Variants in ZNF718 observed in about 807,000 individuals in gnomAD.
ZNF718 encodes the protein zinc finger protein 718.
ZNF718 carries 3 observed loss-of-function variants against 2.6 expected under a neutral mutation model. The ratio of observed to expected loss-of-function variants is 1.16; its 90% CI spans 0.53 to 3.01. The LOEUF (loss-of-function observed/expected upper bound fraction) is 3.01, where lower values mean the gene tolerates loss of function less well. ZNF718 is among the 30% of genes most tolerant of loss of function. The probability of loss-of-function intolerance (pLI) is 0.03; values close to 1 mark genes in which losing one functional copy is unlikely to be tolerated. For missense variants in ZNF718, 468 were observed against 230.0 expected, an observed-to-expected ratio of 2.03 and a Z score of -6.69; for synonymous variants, 135 against 77.9, an observed-to-expected ratio of 1.73 and a Z score of -3.86.
At chr4:183,139 C>CATTT (rs1311227018) in intron 3 of ZNF718, among the ~76,000 whole-genome samples, 2 of 152,084 alleles carry the variant, frequency 1.3e-5, no homozygotes, top group Non-Finnish European at 2.9e-5. Flanking sequence ...TTTGGTTTTA[C>CATTT]ATTTAAGTCT....
Position 189,056 on chromosome 4 carries a change from A to AT in ZNF718, c.227-12023dup, listed in dbSNP as rs200846758. ...TTTGAAATTTACATTGAATCTGTAGATTATTTTTTTTTTTTTTTTTTGAGA... is the reference window on the plus strand; with the variant it reads ...TTTGAAATTTACATTGAATCTGTAGATTTATTTTTTTTTTTTTTTTTTGAGA... On this transcript the variant is annotated intron_variant and NMD_transcript_variant, in intron 3 of 4. Coordinates refer to the ZNF718 transcript ENST00000642529. 9.5e-3 allele frequency among the ~76,000 whole-genome samples: 1,319 copies of AT among 139,008 alleles called. 37 individuals are homozygous for AT. The highest frequency in any genetic ancestry group is 0.014 in the South Asian group (60 of 4,308). The allele number at this position is 139,008 out of a possible 152,430, so 91.2% of individuals were successfully genotyped here.
intron 2 of ZNF718, 68 bp downstream of exon 2, chr4:130,982 G>C (rs1389846443): frequency 3.9e-6 from 1 of 258,548 alleles, no homozygotes; most frequent in Non-Finnish European, 7.1e-6. Context: ...TTTGTAGAAT[G>C]TCTCTTGAGA....
In ZNF718 at chr4:161,045, G is replaced by A. The variant is rs1716803821; in HGVS notation, c.360G>A (p.Glu120=). The change falls in exon 4 of 4, where the codon GAG becomes GAA. Residue 120 remains glutamate, a synonymous_variant. Transcript: ENST00000510175. ...GAAAAACTTGTAAAAGTATAAATGA[G>A]TGTAAGGTGCAGAAAGGTGGTTATA... ...NLRKTCKSIN[E]CKVQKGGYNR... 3.8e-6 allele frequency: 3 copies of A among 780,378 alleles called. No individual in the cohort carries two copies. Among genetic ancestry groups the A allele is most frequent in the Middle Eastern group, 2.2e-4 (1 of 4,462 alleles). 48.3% of individuals were successfully genotyped at this position (780,378 alleles called of 1,614,324 possible).
intron 3 of ZNF718, among the ~76,000 whole-genome samples, chr4:143,594 T>A (rs549433660): frequency 6.6e-6 from 1 of 152,202 alleles, no homozygotes; most frequent in Non-Finnish European, 1.5e-5. Context: ...GCCAAGACTT[T>A]AAGGAAACAC....
At chr4:190,314 C>T (rs1476290535) in intron 3 of ZNF718, among the ~76,000 whole-genome samples, 2 of 151,612 alleles carry the variant, frequency 1.3e-5, no homozygotes, top group African/African-American at 4.9e-5. Context: ...CCTGTAGTCC[C>T]AGCTACTCAG....
rs1488661244 is a variant in ZNF718, at chr4:128,342, A to G, written c.4-2446A>G. 2.9e-5 allele frequency among the ~76,000 whole-genome samples: 3 copies of G among 103,860 alleles called. 1 individual carries two copies. Among genetic ancestry groups the G allele is most frequent in the Non-Finnish European group, 6.4e-5 (3 of 46,658 alleles). The allele number at this position is 103,860 out of a possible 152,430, so 68.1% of individuals were successfully genotyped here. ...GCTACAGCTGTGTGAGAGGCTTCTG[A>G]TGGGAACAGAATCCTGTGGCAGAAT... On this transcript the variant is annotated intron_variant, in intron 1 of 3. Transcript: ENST00000510175.
intron 3 of ZNF718, among the ~76,000 whole-genome samples, chr4:176,504 A>AG (rs1553819109): frequency 6.6e-6 from 1 of 152,170 alleles, no homozygotes; most frequent in Admixed American, 6.5e-5. Context: ...GCATAATGCA[A>AG]CACATCCAGC....
intron 3 of ZNF718, among the ~76,000 whole-genome samples, chr4:175,931 A>G (rs1717337107): frequency 7.4e-6 from 1 of 135,308 alleles, no homozygotes; most frequent in Non-Finnish European, 1.5e-5. Context: ...ATCTCGGCTC[A>G]CTGCAAGCTC....
Position 128,483 on chromosome 4 carries a change from T to G in ZNF718, c.4-2305T>G, listed in dbSNP as rs1198178598. On this transcript the variant is annotated intron_variant, in intron 1 of 3. Coordinates refer to ENST00000510175, the MANE Select transcript of ZNF718 (RefSeq NM_001039127.6). ...CCTCCTCTATACTGTGTTATGGGAG[T>G]AGAGTACTTTTGTCCTTCTTCTTAC... is the stretch of plus-strand genomic sequence containing the variant. Among the ~76,000 whole-genome samples, 48 of 101,652 alleles carry G rather than the reference T, an allele frequency of 4.7e-4. 12 individuals carry two copies. Among genetic ancestry groups the G allele is most frequent in the Non-Finnish European group, 5.2e-4 (24 of 45,952 alleles). 66.7% of individuals were successfully genotyped at this position (101,652 alleles called of 152,430 possible).
intron 3 of ZNF718, among the ~76,000 whole-genome samples, chr4:153,909 CAA>C (rs1286651008): frequency 6.6e-6 from 1 of 152,116 alleles, no homozygotes; most frequent in African/African-American, 2.4e-5. Flanking sequence ...TTGTGTATGA[CAA>C]TATTCAACTG....
chr4:127,059 C>T (rs1242332359), intron 1 of ZNF718, among the ~76,000 whole-genome samples: 28 of 152,284 alleles, frequency 1.8e-4, no homozygotes, highest in African/African-American at 6.7e-4. Flanking sequence ...CTTCTGACCT[C>T]ATGATCCACC....
In ZNF718 at chr4:129,815, T is replaced by C. The variant is rs1445823841; in HGVS notation, c.4-973T>C. Among the ~76,000 whole-genome samples, 2 of 102,414 alleles carry C rather than the reference T, an allele frequency of 2.0e-5. 1 individual carries two copies. The highest frequency in any genetic ancestry group is 6.8e-5 in the African/African-American group (2 of 29,518). 67.2% of individuals were successfully genotyped at this position (102,414 alleles called of 152,430 possible). ...AATGATAAGAAAACAGAAGAACAAA[T>C]AGAAATGCTGGGGCCCTGCATTTAA... On this transcript the variant is annotated intron_variant, in intron 1 of 3. Coordinates refer to ENST00000510175, the MANE Select transcript of ZNF718 (RefSeq NM_001039127.6).
chr4:149,332 C>T (rs73213566), intron 3 of ZNF718, among the ~76,000 whole-genome samples: 118,102 of 152,126 alleles, frequency 0.78, 46,193 homozygotes, highest in East Asian at 0.96. Context: ...TTCAAAATCC[C>T]GGCTCTTCAA....
chr4:157,320 G>T (rs2108800193), intron 3 of ZNF718, among the ~76,000 whole-genome samples: 1 of 151,904 alleles, frequency 6.6e-6, no homozygotes, highest in Admixed American at 6.6e-5. Context: ...CTCCATGTTG[G>T]TCAGGCTGGT....
At chr4:165,736 T>C (rs1581469244), downstream of ZNF718, among the ~76,000 whole-genome samples, 1 of 152,042 alleles carries the variant, frequency 6.6e-6, no homozygotes, top group African/African-American at 2.4e-5. Context: ...GAGGTGGAGG[T>C]TGCAGTGAGC....
downstream of ZNF718, among the ~76,000 whole-genome samples, chr4:165,260 A>G (rs75180101): frequency 0.044 from 6,652 of 152,246 alleles, 367 homozygotes; most frequent in African/African-American, 0.13. Flanking sequence ...GAGGGTATTT[A>G]TAGCTTATCA....
chr4:162,232 A>G lies in ZNF718; in HGVS notation c.*110A>G, dbSNP rs1449632196. The G allele has an allele frequency of 1.2e-5, 7 of 580,198 alleles. No homozygotes were observed. Among genetic ancestry groups the G allele is most frequent in the East Asian group, 8.3e-5 (3 of 36,188 alleles). 35.9% of individuals were successfully genotyped at this position (580,198 alleles called of 1,614,324 possible). On this transcript the variant is annotated 3_prime_UTR_variant, in exon 4 of 4. Transcript: ENST00000510175. The stretch of plus-strand genomic sequence containing the variant: ...AAAATTGACAAAGCTTTTAACCGCA[A>G]CTCAATCTGTTCTAAACATAAGAGA...
At chr4:164,250 T>G (rs1026069572), downstream of ZNF718, among the ~76,000 whole-genome samples, 4 of 152,088 alleles carry the variant, frequency 2.6e-5, no homozygotes, top group Non-Finnish European at 5.9e-5. Flanking sequence ...ATAAACATAT[T>G]GCTGTAAGAT....
At chr4:143,780 A>G (rs1403315102) in intron 3 of ZNF718, among the ~76,000 whole-genome samples, 1 of 152,100 alleles carries the variant, frequency 6.6e-6, no homozygotes, top group Non-Finnish European at 1.5e-5. Flanking sequence ...TCCAGGTGAA[A>G]ACACACCCCT....
Sources: gnomAD v4.1 joint callset for allele counts (sites outside exome capture counted in the v4.1 genomes callset) on GRCh38, gnomAD v4.1.1 for gene constraint, MANE v1.5 for transcripts, NCBI Gene and HGNC (gene_info 2026-07-23, HGNC 2026-07-21) for gene names.